SPATA17: variants seen among roughly 807,000 people sequenced by gnomAD.
SPATA17 encodes spermatogenesis-associated protein 17.
SPATA17 carries 53 observed loss-of-function variants against 62.2 expected under a neutral mutation model. The ratio of observed to expected loss-of-function variants is 0.85; its 90% CI spans 0.68 to 1.07. The LOEUF (loss-of-function observed/expected upper bound fraction) is 1.07. Ranked by LOEUF, SPATA17 falls within the 50% of genes least tolerant of loss-of-function variation. The pLI is 0.00. For synonymous variants in SPATA17, 146 were observed against 146.8 expected (o/e 0.99, Z 0.04); for missense variants, 466 against 425.5 (o/e 1.10, Z -0.84).
chr1:217,633,834 T>C (rs893682458), intron 1 of SPATA17, among the ~76,000 whole-genome samples: 3 of 152,254 alleles, frequency 2.0e-5, no homozygotes, highest in African/African-American at 7.2e-5. Context: ...AGCTGAAAGA[T>C]GACTTGGTTG....
chr1:217,649,651 GATAAA>G (rs1334460478), intron 2 of SPATA17, among the ~76,000 whole-genome samples: 2 of 151,154 alleles, frequency 1.3e-5, no homozygotes, highest in Non-Finnish European at 2.9e-5. Context: ...CATGTTGGTA[GATAAA>G]ATAAAATGAC....
chr1:217,778,825 A>G (rs888122220), intron 7 of SPATA17, among the ~76,000 whole-genome samples: 1 of 152,098 alleles, frequency 6.6e-6, no homozygotes, highest in Non-Finnish European at 1.5e-5. Context: ...TATACTTTTA[A>G]TGATGTGTCT....
chr1:217,792,426 G>T (rs1225910872), intron 8 of SPATA17, among the ~76,000 whole-genome samples: 1 of 152,160 alleles, frequency 6.6e-6, no homozygotes, highest in East Asian at 1.9e-4. Flanking sequence ...CCTTCTAGTG[G>T]CATCTCTTCC....
intron 1 of SPATA17, among the ~76,000 whole-genome samples, chr1:217,637,041 G>T (rs866971200): frequency 2.0e-5 from 3 of 152,154 alleles, no homozygotes; most frequent in Non-Finnish European, 4.4e-5. Flanking sequence ...GTTCTCTAGA[G>T]ACATGCTATA....
intron 5 of SPATA17, among the ~76,000 whole-genome samples, chr1:217,697,901 A>G (rs1419645752): frequency 1.3e-5 from 2 of 152,120 alleles, no homozygotes; most frequent in Non-Finnish European, 2.9e-5. Flanking sequence ...TTTGCCCTTT[A>G]TTCAACCTTT....
intron 3 of SPATA17, among the ~76,000 whole-genome samples, chr1:217,660,477 T>A (rs1466183486): frequency 6.6e-6 from 1 of 152,222 alleles, no homozygotes; most frequent in Non-Finnish European, 1.5e-5. Flanking sequence ...ATGTAGATGA[T>A]GATTAACATC....
chr1:217,772,386 T>A (rs927232666), intron 6 of SPATA17, among the ~76,000 whole-genome samples: 1 of 152,176 alleles, frequency 6.6e-6, no homozygotes, highest in African/African-American at 2.4e-5. Flanking sequence ...AGTACAAAAA[T>A]ATTTTTAAAT....
chr1:217,781,571 A>C (rs1161748076), intron 7 of SPATA17, among the ~76,000 whole-genome samples: 2 of 152,198 alleles, frequency 1.3e-5, no homozygotes, highest in African/African-American at 4.8e-5. Flanking sequence ...TATTTGTGTC[A>C]TCAAAAGGTT....
intron 7 of SPATA17, 73 bp downstream of exon 7, chr1:217,774,610 T>A: frequency 8.2e-7 from 1 of 1,220,070 alleles, no homozygotes; most frequent in Non-Finnish European, 1.2e-6. Context: ...TATATAACAC[T>A]ATCTTAATTT....
chr1:217,647,646 G>C (rs1187793495), intron 1 of SPATA17, among the ~76,000 whole-genome samples: 1 of 152,180 alleles, frequency 6.6e-6, no homozygotes, highest in African/African-American at 2.4e-5. Context: ...TGGAGAAAAG[G>C]ACTTTAAGCT....
chr1:217,830,101 C>A (rs988522043), intron 9 of SPATA17, among the ~76,000 whole-genome samples: 37 of 151,962 alleles, frequency 2.4e-4, no homozygotes, highest in Admixed American at 2.0e-4. Context: ...AAACATCCAA[C>A]TTTTATTACT....
chr1:217,686,458 A>T (rs966127056), intron 5 of SPATA17, among the ~76,000 whole-genome samples: 2 of 152,058 alleles, frequency 1.3e-5, no homozygotes, highest in African/African-American at 4.8e-5. Flanking sequence ...TAATTTGCTT[A>T]TTTAAATACT....
intron 9 of SPATA17, among the ~76,000 whole-genome samples, chr1:217,804,009 C>T (rs1442819577): frequency 6.6e-6 from 1 of 150,970 alleles, no homozygotes; most frequent in Non-Finnish European, 1.5e-5. Context: ...AACAGTAAGA[C>T]TGTCTCAAAA....
chr1:217,725,823 C>T (rs1672246764), intron 5 of SPATA17, among the ~76,000 whole-genome samples: 1 of 152,056 alleles, frequency 6.6e-6, no homozygotes, highest in South Asian at 2.1e-4. Context: ...GTTGTATTTT[C>T]ATAATTTTAA....
chr1:217,823,788 G>A (rs1674925246), intron 9 of SPATA17, among the ~76,000 whole-genome samples: 1 of 151,866 alleles, frequency 6.6e-6, no homozygotes, highest in Admixed American at 6.6e-5. Flanking sequence ...ATATTTAAGT[G>A]CTCTGTTGTC....
In SPATA17 at chr1:217,856,810, TCA is replaced by T. The variant is rs1183888065; in HGVS notation, c.1006-5961_1006-5960del. ...CAGAACTGTAGAGATCCTCATGTCA[TCA>T]CAGTTTTCTACATGCAATGAGAGCA... On this transcript the variant is annotated intron_variant, in intron 9 of 10. Coordinates refer to ENST00000366933, the MANE Select transcript of SPATA17 (RefSeq NM_138796.4). Among the ~76,000 whole-genome samples, 7 of 152,212 alleles carry T rather than the reference TCA, an allele frequency of 4.6e-5. 1 individual carries two copies. The highest frequency in any genetic ancestry group is 1.4e-4 in the African/African-American group (6 of 41,456).
At chr1:217,642,048 C>G (rs1436240226) in intron 1 of SPATA17, among the ~76,000 whole-genome samples, 2 of 152,054 alleles carry the variant, frequency 1.3e-5, no homozygotes, top group East Asian at 3.9e-4. Context: ...GATTTTTCCC[C>G]TTGATTAGAT....
At chr1:217,750,772 G>C (rs1037068790) in intron 6 of SPATA17, among the ~76,000 whole-genome samples, 1 of 152,196 alleles carries the variant, frequency 6.6e-6, no homozygotes, top group Non-Finnish European at 1.5e-5. Flanking sequence ...GCCACTCGTC[G>C]GAATGTGCTA....
intron 5 of SPATA17, among the ~76,000 whole-genome samples, chr1:217,685,736 T>A (rs1671201407): frequency 6.6e-6 from 1 of 152,148 alleles, no homozygotes; most frequent in Non-Finnish European, 1.5e-5. Context: ...TATGAGTATT[T>A]TATATAGGAT....
Sources: gnomAD v4.1 joint callset for allele counts (sites outside exome capture counted in the v4.1 genomes callset) on GRCh38, gnomAD v4.1.1 for gene constraint, MANE v1.5 for transcripts, NCBI Gene and HGNC (gene_info 2026-07-23, HGNC 2026-07-21) for gene names.